The following BFSP1 variants were observed in gnomAD, a reference collection of about 807,000 sequenced individuals.
BFSP1 encodes the protein filensin.
In BFSP1, 38 loss-of-function variants were observed where a neutral mutation model predicts 43.9. That is an observed-to-expected ratio of 0.87 (90% CI 0.67 to 1.14). The LOEUF is 1.14. Ranked by LOEUF, BFSP1 falls within the 50% of genes most tolerant of loss-of-function variation. BFSP1 has a pLI of 0.00. For synonymous variants in BFSP1, 352 were observed against 354.8 expected (o/e 0.99, Z 0.09); for missense variants, 850 against 875.1 (o/e 0.97, Z 0.36).
rs543520534 is a variant in BFSP1 at position 17,530,812 on chromosome 20, C to G, written c.377+141G>C. On this transcript the variant is annotated intron_variant, in intron 1 of 7. Transcript: ENST00000377873. Reference sequence around the variant, plus strand: ...GTCTTAGCTTAAGGAAATGTGCCACCTGCGTGCAGGGATGAGGTCATCGAT... The same window carrying G: ...GTCTTAGCTTAAGGAAATGTGCCACGTGCGTGCAGGGATGAGGTCATCGAT... The G allele has an allele frequency of 1.2e-3, 1,104 of 945,368 alleles. 1 individual carries two copies. The highest frequency in any genetic ancestry group is 1.4e-3 in the Non-Finnish European group (1,015 of 718,466). 58.6% of individuals were successfully genotyped at this position (945,368 alleles called of 1,614,324 possible). A position where few individuals can be genotyped will look rare whatever the true frequency, so the allele number is the denominator to read the frequency against.
In BFSP1 at chr20:17,508,883, G is replaced by A; in HGVS notation, c.735+6C>T. The A allele has an allele frequency of 6.3e-7, 1 of 1,576,008 alleles. No homozygotes were observed. Among genetic ancestry groups the A allele is most frequent in the Non-Finnish European group, 8.6e-7 (1 of 1,163,058 alleles). On this transcript the variant is annotated splice_donor_region_variant and intron_variant, in intron 5 of 7. Coordinates refer to ENST00000377873, the MANE Select transcript of BFSP1 (RefSeq NM_001195.5). ...CCCAATGCACACGCGGCAGACTCGA[G>A]CGTACCTGTGCCTGCAGCTCCACTC...
chr20:17,509,827 T>C (rs2123483183), intron 4 of BFSP1, among the ~76,000 whole-genome samples: 1 of 152,260 alleles, frequency 6.6e-6, no homozygotes, highest in South Asian at 2.1e-4. Context: ...AGCAGGTCCC[T>C]CTCTCCTGAC....
upstream of BFSP1, among the ~76,000 whole-genome samples, chr20:17,533,410 A>G (rs571247402): frequency 6.6e-6 from 1 of 152,292 alleles, no homozygotes; most frequent in South Asian, 2.1e-4. Flanking sequence ...TTGCTACAGA[A>G]CAAAATAGAA....
intron 3 of BFSP1, among the ~76,000 whole-genome samples, chr20:17,513,224 C>T (rs1188112846): frequency 6.6e-6 from 1 of 152,166 alleles, no homozygotes. Context: ...CCTGCCCTGT[C>T]CTGCCCTTTT....
intron 2 of BFSP1, among the ~76,000 whole-genome samples, chr20:17,520,432 C>A (rs1331704301): frequency 6.6e-6 from 1 of 152,150 alleles, no homozygotes; most frequent in Non-Finnish European, 1.5e-5. Context: ...ATCCCAGAAA[C>A]TCCATTTAAA....
At chr20:17,530,569 T>G (rs539284775) in intron 1 of BFSP1, among the ~76,000 whole-genome samples, 1 of 152,296 alleles carries the variant, frequency 6.6e-6, no homozygotes, top group East Asian at 1.9e-4. Flanking sequence ...CAAAGGGGAC[T>G]GACTGGGAAA....
chr20:17,558,272 A>G (rs1440160840), intron 1 of BFSP1, among the ~76,000 whole-genome samples: 1 of 152,136 alleles, frequency 6.6e-6, no homozygotes, highest in Non-Finnish European at 1.5e-5. Flanking sequence ...AAAGTATAGC[A>G]CCCAAACCAT....
chr20:17,558,190 C>G (rs1181139484), intron 1 of BFSP1, among the ~76,000 whole-genome samples: 1 of 149,120 alleles, frequency 6.7e-6, no homozygotes, highest in Non-Finnish European at 1.5e-5. Context: ...ATACTTGTCT[C>G]TTCAACCTCA....
At chr20:17,532,145 G>A (rs2034556526), upstream of BFSP1, among the ~76,000 whole-genome samples, 1 of 152,194 alleles carries the variant, frequency 6.6e-6, no homozygotes, top group Non-Finnish European at 1.5e-5. Context: ...GTAATAGGTG[G>A]TTCACGCCTG....
chr20:17,529,144 C>G (rs556223565), intron 1 of BFSP1, among the ~76,000 whole-genome samples: 2 of 151,574 alleles, frequency 1.3e-5, no homozygotes, highest in African/African-American at 4.9e-5. Flanking sequence ...GCAATCTCAG[C>G]TCACTGCAGC....
In BFSP1 at chr20:17,531,217, G is replaced by A. The variant is rs2123537242; in HGVS notation, c.113C>T (p.Ala38Val). The A allele has an allele frequency of 2.3e-6, 3 of 1,332,272 alleles. No individual in the cohort carries two copies. Among genetic ancestry groups the A allele is most frequent in the East Asian group, 3.2e-5 (1 of 31,472 alleles). The allele number at this position is 1,332,272 out of a possible 1,614,324, so 82.5% of individuals were successfully genotyped here. Residue 38 changes from alanine to valine, a missense_variant, in exon 1 of 8, where the codon GCA becomes GTA. Transcript: ENST00000377873. ...CCCCTGCAGCGCCGCCAGGCTCGTT[G>A]CCCCAGCCCAGCCCTCGTCGGCCGG... ...ERPADEGWAG[A>V]TSLAALQGLG...
At chr20:17,566,803 GCCA>G (rs1471010903) in intron 1 of BFSP1, among the ~76,000 whole-genome samples, 1 of 152,174 alleles carries the variant, frequency 6.6e-6, no homozygotes. Flanking sequence ...ACAGGTGCCT[GCCA>G]CCACGCCTGG....
At position 17,531,198 on chromosome 20, in the gene BFSP1, C is replaced by G; in HGVS notation, c.132G>C (p.Leu44=). The part of the protein sequence containing the change: ...GWAGATSLAA[L]QGLGERVAAH... ...CGGCCACGCGCTCGCCGAGCCCCTG[C>G]AGCGCCGCCAGGCTCGTTGCCCCAG... The change falls in exon 1 of 8, where the codon CTG becomes CTC. Residue 44 remains leucine, a synonymous_variant. Transcript: ENST00000377873. 1 of 1,308,796 alleles carries G rather than the reference C, an allele frequency of 7.6e-7. No homozygotes were observed. The highest frequency in any genetic ancestry group is 2.1e-5 in the South Asian group (1 of 47,770). 81.1% of individuals were successfully genotyped at this position (1,308,796 alleles called of 1,614,324 possible).
chr20:17,564,860 A>G (rs2035101774), intron 1 of BFSP1, among the ~76,000 whole-genome samples: 1 of 151,996 alleles, frequency 6.6e-6, no homozygotes, highest in Non-Finnish European at 1.5e-5. Context: ...AAGTGCTGGG[A>G]TTACAGGTGT....
chr20:17,568,817 T>C (rs2035154113), intron 1 of BFSP1, among the ~76,000 whole-genome samples: 1 of 150,078 alleles, frequency 6.7e-6, no homozygotes, highest in Non-Finnish European at 1.5e-5. Context: ...AAAAAAATAC[T>C]GACCATCTTG....
upstream of BFSP1, among the ~76,000 whole-genome samples, chr20:17,562,167 G>A (rs572857377): frequency 0.011 from 1,704 of 151,730 alleles, 7 homozygotes; most frequent in Non-Finnish European, 0.019. Context: ...TGATCGGTCC[G>A]CCTCGGTCTC....
chr20:17,544,038 C>T (rs1218375890), intron 1 of BFSP1, among the ~76,000 whole-genome samples: 1 of 152,160 alleles, frequency 6.6e-6, no homozygotes, highest in African/African-American at 2.4e-5. Context: ...CTTGAAGTCC[C>T]CCAGAAGCCA....
chr20:17,559,036 A>T, upstream of BFSP1: 1 of 251,418 alleles, frequency 4.0e-6, no homozygotes, highest in African/African-American at 2.2e-5. Flanking sequence ...TCCAAAAAGA[A>T]GAGTAAAGAA....
At position 17,568,512 on chromosome 20, in the gene BFSP1, T is replaced by A. The variant is rs908292169; in HGVS notation, n.50+659A>T. Among the ~76,000 whole-genome samples, 4 of 152,108 alleles carry A rather than the reference T, an allele frequency of 2.6e-5. No individual in the cohort carries two copies. The East Asian group carries it at 5.8e-4, about 22-fold the overall frequency. On this transcript the variant is annotated intron_variant and non_coding_transcript_variant, in intron 1 of 6. Coordinates refer to the BFSP1 transcript ENST00000473415. ...TGGTCTCGGACTGGCATCTTCAGCA[T>A]CACCTAGGAGTTGTTAGAAATGCCC... is the stretch of plus-strand genomic sequence containing the variant.
Sources: gnomAD v4.1 joint callset for allele counts (sites outside exome capture counted in the v4.1 genomes callset) on GRCh38, gnomAD v4.1.1 for gene constraint, MANE v1.5 for transcripts, NCBI Gene and HGNC (gene_info 2026-07-23, HGNC 2026-07-21) for gene names.